Variants in KLF13 observed in about 807,000 individuals in gnomAD.
The protein encoded by KLF13 is KLF transcription factor 13.
Under a neutral mutation model 16.7 loss-of-function variants are expected in KLF13, and 8 were observed. The observed-to-expected ratio is 0.48, with a 90% confidence interval of 0.28 to 0.87. The LOEUF is 0.87. Among genes scored for constraint, KLF13 ranks in the 40% least tolerant of loss-of-function variants. The probability of loss-of-function intolerance (pLI) is 0.10; values close to 1 mark genes in which losing one functional copy is unlikely to be tolerated. For synonymous variants in KLF13, 245 were observed against 208.4 expected, an observed-to-expected ratio of 1.18 and a Z score of -1.51; for missense variants, 447 against 452.2, an observed-to-expected ratio of 0.99 and a Z score of 0.10.
rs1440592628 is a variant in KLF13, at chr15:31,415,932, G to A, written n.118-19438G>A. 5.3e-5 allele frequency among the ~76,000 whole-genome samples: 8 copies of A among 151,028 alleles called. 1 individual carries two copies. The East Asian group carries it at 1.4e-3, about 26-fold the overall frequency. ...GGTTGAAATTTTCAGCTTCTAGGTT[G>A]AACAAGAAAAAAAAAGAGGGCTCAA... On this transcript the variant is annotated intron_variant and non_coding_transcript_variant, in intron 1 of 1. Coordinates refer to the KLF13 transcript ENST00000558225.
intron 1 of KLF13, among the ~76,000 whole-genome samples, chr15:31,351,639 C>A (rs968208815): frequency 6.6e-6 from 1 of 152,222 alleles, no homozygotes; most frequent in Non-Finnish European, 1.5e-5. Flanking sequence ...GATGAGTGTG[C>A]TACCCGCAAG....
At chr15:31,420,918 C>T (rs961772892) in intron 1 of KLF13, among the ~76,000 whole-genome samples, 1 of 152,158 alleles carries the variant, frequency 6.6e-6, no homozygotes, top group Non-Finnish European at 1.5e-5. Flanking sequence ...GTCACAAACT[C>T]CTGACCTCAG....
Position 31,420,432 on chromosome 15 carries a change from G to T in KLF13, n.118-14938G>T, listed in dbSNP as rs190295492. 679 of 965,324 alleles carry T rather than the reference G, an allele frequency of 7.0e-4. 6 individuals carry two copies. Among genetic ancestry groups the T allele is most frequent in the African/African-American group, 7.0e-3 (429 of 61,676 alleles). 59.8% of individuals were successfully genotyped at this position (965,324 alleles called of 1,614,324 possible). A position where few individuals can be genotyped will look rare whatever the true frequency, so the allele number is the denominator to read the frequency against. ...CCCACAGTGAAGTTCCTCACATCCT[G>T]CTACCACCCCAACATAGACACCCAG... On this transcript the variant is annotated intron_variant and non_coding_transcript_variant, in intron 1 of 1. Transcript: ENST00000558225.
downstream of KLF13, among the ~76,000 whole-genome samples, chr15:31,407,305 T>G (rs7181163): frequency 0.12 from 18,846 of 152,024 alleles, 3,423 homozygotes; most frequent in African/African-American, 0.4. Flanking sequence ...CAGGGAGACC[T>G]CTTCTCTATA....
chr15:31,336,743 G>A (rs991959156), intron 1 of KLF13, among the ~76,000 whole-genome samples: 4 of 152,144 alleles, frequency 2.6e-5, no homozygotes, highest in Admixed American at 2.6e-4. Context: ...GACTGGGAGT[G>A]GGGCAGAGGG....
chr15:31,363,070 T>C (rs984537047), intron 1 of KLF13, among the ~76,000 whole-genome samples: 5 of 152,088 alleles, frequency 3.3e-5, no homozygotes, highest in African/African-American at 1.2e-4. Flanking sequence ...GGTAAAAGGG[T>C]GTGCACATTT....
chr15:31,421,841 C>T (rs748620196), intron 1 of KLF13, among the ~76,000 whole-genome samples: 25 of 152,114 alleles, frequency 1.6e-4, no homozygotes, highest in South Asian at 8.3e-4. Flanking sequence ...TGGCCGAGCG[C>T]GGTGGCTCAC....
At chr15:31,336,253 G>C (rs566175320) in intron 1 of KLF13, among the ~76,000 whole-genome samples, 1 of 152,336 alleles carries the variant, frequency 6.6e-6, no homozygotes, top group East Asian at 1.9e-4. Flanking sequence ...GGACACATCT[G>C]TCTTCCTCCT....
At chr15:31,387,560 G>A (rs1266918743) in intron 1 of KLF13, among the ~76,000 whole-genome samples, 1 of 152,182 alleles carries the variant, frequency 6.6e-6, no homozygotes, top group Non-Finnish European at 1.5e-5. Flanking sequence ...TGTGATATTT[G>A]CTTTATTGCA....
At chr15:31,365,614 T>TG (rs914523220) in intron 1 of KLF13, among the ~76,000 whole-genome samples, 38 of 28,486 alleles carry the variant, frequency 1.3e-3, no homozygotes, top group African/African-American at 2.7e-3. Context: ...CCGGGTGGGG[T>TG]GGGGGGGCCC....
At chr15:31,393,423 T>C (rs1243303834) in intron 1 of KLF13, among the ~76,000 whole-genome samples, 90 of 114,326 alleles carry the variant, frequency 7.9e-4, no homozygotes, top group African/African-American at 2.4e-3. Flanking sequence ...CCCCGGCCCG[T>C]CCCCCCCCCG....
downstream of KLF13, among the ~76,000 whole-genome samples, chr15:31,406,451 T>C (rs913457467): frequency 6.6e-6 from 1 of 152,142 alleles, no homozygotes; most frequent in African/African-American, 2.4e-5. Context: ...CTGGCAAGAT[T>C]ACACCACTGT....
intron 1 of KLF13, among the ~76,000 whole-genome samples, chr15:31,383,217 A>G (rs1250680983): frequency 1.3e-5 from 2 of 152,198 alleles, no homozygotes; most frequent in African/African-American, 4.8e-5. Context: ...TCTTTTAACC[A>G]TAAACACACT....
chr15:31,418,815 G>A (rs1238504314), intron 1 of KLF13, among the ~76,000 whole-genome samples: 1 of 152,134 alleles, frequency 6.6e-6, no homozygotes, highest in Non-Finnish European at 1.5e-5. Context: ...AATTTATAAT[G>A]AAAAAATATT....
Position 31,373,450 on chromosome 15 carries a change from G to C in KLF13, c.*1151G>C, listed in dbSNP as rs1200133135. The C allele has an allele frequency of 1.3e-5, 2 of 152,250 alleles. No individual in the cohort carries two copies. The highest frequency in any genetic ancestry group is 2.9e-5 in the Non-Finnish European group (2 of 68,048). 9.4% of individuals were successfully genotyped at this position (152,250 alleles called of 1,614,324 possible). A position where few individuals can be genotyped will look rare whatever the true frequency, so the allele number is the denominator to read the frequency against. ...GCGCGCATTCTATTTCCTCCGCAGG[G>C]AATGCCAGATAGAAAGTTGCGGGCA... is the stretch of plus-strand genomic sequence containing the variant. On this transcript the variant is annotated 3_prime_UTR_variant, in exon 2 of 2. Coordinates refer to ENST00000307145, the MANE Select transcript of KLF13 (RefSeq NM_015995.4).
chr15:31,378,797 G>A (rs1430477068), downstream of KLF13, among the ~76,000 whole-genome samples: 2 of 152,210 alleles, frequency 1.3e-5, no homozygotes, highest in Non-Finnish European at 2.9e-5. Context: ...TCAGCTCACT[G>A]CAACCTCTGC....
chr15:31,327,357 G>A lies in KLF13; in HGVS notation c.145G>A (p.Val49Ile), dbSNP rs1267300671. 3 of 1,282,368 alleles carry A rather than the reference G, an allele frequency of 2.3e-6. No individual in the cohort carries two copies. The highest frequency in any genetic ancestry group is 9.8e-7 in the Non-Finnish European group (1 of 1,016,180). The allele number at this position is 1,282,368 out of a possible 1,614,324, so 79.4% of individuals were successfully genotyped here. Residue 49 changes from valine to isoleucine, a missense_variant, in exon 1 of 2, where the codon GTC (valine) becomes ATC (isoleucine). Coordinates refer to ENST00000307145, the MANE Select transcript of KLF13 (RefSeq NM_015995.4). ...GGCCGCCACCCCCACGCTGCCCCGCGTCGAGGAGCGCCGCGACGGTAAGGA... is the reference window on the plus strand; with the variant it reads ...GGCCGCCACCCCCACGCTGCCCCGCATCGAGGAGCGCCGCGACGGTAAGGA... ...AVAATPTLPR[V>I]EERRDGKDSA...
intron 2 of KLF13, among the ~76,000 whole-genome samples, chr15:31,395,684 C>G (rs11631345): frequency 6.6e-6 from 1 of 152,024 alleles, no homozygotes; most frequent in African/African-American, 2.4e-5. Context: ...GCCATCGTCA[C>G]GGATGTGAAG....
At chr15:31,414,156 A>G (rs1314718205) in intron 1 of KLF13, among the ~76,000 whole-genome samples, 2 of 152,164 alleles carry the variant, frequency 1.3e-5, no homozygotes, top group Non-Finnish European at 2.9e-5. Flanking sequence ...TTAAGTCTCA[A>G]GGTGATTATG....
Sources: allele counts gnomAD v4.1 joint callset (sites outside exome capture counted in the v4.1 genomes callset), GRCh38; gene constraint gnomAD v4.1.1; transcripts MANE v1.5; gene names NCBI Gene and HGNC (gene_info 2026-07-23, HGNC 2026-07-21).